The following SPTBN1 variants were observed in gnomAD, a reference collection of about 807,000 sequenced individuals.
SPTBN1 encodes the protein spectrin beta, non-erythrocytic 1.
In SPTBN1, 32 loss-of-function variants were observed where a neutral mutation model predicts 266.4. That is an observed-to-expected ratio of 0.12 (90% CI 0.09 to 0.16). SPTBN1 has a LOEUF of 0.16. Among genes scored for constraint, SPTBN1 ranks in the 10% least tolerant of loss-of-function variants. SPTBN1 has a pLI of 1.00. For missense variants in SPTBN1, 2,296 were observed against 3,067.1 expected, an observed-to-expected ratio of 0.75 and a Z score of 5.94; for synonymous variants, 1,336 against 1,162.2, an observed-to-expected ratio of 1.15 and a Z score of -3.04.
rs534264112 is a variant in SPTBN1, at chr2:54,573,832, C to T, written c.149-25260C>T. Among the ~76,000 whole-genome samples the T allele has an allele frequency of 3.9e-5, 6 of 152,250 alleles. No homozygotes were observed. In the South Asian group the frequency reaches 1.2e-3, roughly 32 times the overall value. ...TCTATCTCTGCCCTCAGGAAGCTCA[C>T]AAACAAGTCAAGAGACAGGAAAACG... On this transcript the variant is annotated intron_variant, in intron 2 of 35. Coordinates refer to ENST00000356805, the MANE Select transcript of SPTBN1 (RefSeq NM_003128.3).
chr2:54,521,380 C>G (rs1053904779), intron 1 of SPTBN1, among the ~76,000 whole-genome samples: 1 of 152,200 alleles, frequency 6.6e-6, no homozygotes, highest in African/African-American at 2.4e-5. Context: ...ATAGTGGGTT[C>G]TATCACTGTA....
At chr2:54,632,321 C>G (rs1678804408) in intron 16 of SPTBN1, among the ~76,000 whole-genome samples, 1 of 152,080 alleles carries the variant, frequency 6.6e-6, no homozygotes, top group Non-Finnish European at 1.5e-5. Context: ...ATACACAAAG[C>G]TTTGGTTCCT....
At chr2:54,541,227 A>G (rs1157512288) in intron 2 of SPTBN1, among the ~76,000 whole-genome samples, 1 of 152,202 alleles carries the variant, frequency 6.6e-6, no homozygotes. Context: ...TGTCTCTACT[A>G]TGAACATACA....
intron 4 of SPTBN1, among the ~76,000 whole-genome samples, chr2:54,613,228 A>G (rs1278848244): frequency 1.3e-5 from 2 of 152,216 alleles, no homozygotes; most frequent in East Asian, 1.9e-4. Flanking sequence ...TTCTCTGCGA[A>G]CAAATATTCT....
rs1044401175 is a variant in SPTBN1, at chr2:54,645,865, T to C, written c.4495-63T>C. 1 of 1,577,624 alleles carries C rather than the reference T, an allele frequency of 6.3e-7. No individual in the cohort carries two copies. Among genetic ancestry groups the C allele is most frequent in the African/African-American group, 1.3e-5 (1 of 74,204 alleles). ...GCTGTCCCTCACTGCCCCTCACTGC[T>C]CGTTTGTGTCGTATATTTGTTCCTC... On this transcript the variant is annotated intron_variant, in intron 21 of 35. Transcript: ENST00000356805. This position sits in a 1 kb window ranked among gnomAD's most constrained non-coding sequence, Gnocchi z 4.3.
Position 54,668,373 on chromosome 2 carries a change from A to T in SPTBN1, c.6899A>T (p.Gln2300Leu). Reference protein sequence around the residue: ...KDDEEMNTWIQAISSAISSDK... With the variant: ...KDDEEMNTWILAISSAISSDK... ...CAGGAGGAAATGAACACATGGATCC[A>T]GGCTATCTCTTCCGCCATCTCCTCT... is the stretch of plus-strand genomic sequence containing the variant. The change falls in exon 36 of 36, where the codon CAG becomes CTG. Residue 2300 changes from glutamine to leucine, a missense_variant. Coordinates refer to ENST00000356805, the MANE Select transcript of SPTBN1 (RefSeq NM_003128.3). 1 of 1,614,146 alleles carries T rather than the reference A, an allele frequency of 6.2e-7. No homozygotes were observed. The highest frequency in any genetic ancestry group is 8.5e-7 in the Non-Finnish European group (1 of 1,180,022).
In SPTBN1 at chr2:54,631,589, C is replaced by T; in HGVS notation, c.3542C>T (p.Ala1181Val). 6.2e-7 allele frequency: 1 copy of T among 1,611,778 alleles called. No homozygotes were observed. Among genetic ancestry groups the T allele is most frequent in the Non-Finnish European group, 8.5e-7 (1 of 1,178,636 alleles). ...YQQFLRDTKQ[A>V]EAFLNNQEYV... is the part of the protein sequence containing the mutation. Reference sequence around the variant, plus strand: ...CAGTTCCTCAGAGACACGAAGCAAGCCGAAGCCTTTCTTAACAACCAGGTA... The same window carrying T: ...CAGTTCCTCAGAGACACGAAGCAAGTCGAAGCCTTTCTTAACAACCAGGTA... The change falls in exon 16 of 36, where the codon GCC (alanine) becomes GTC (valine). Residue 1181 changes from alanine (A) to valine (V), a missense_variant. Transcript: ENST00000356805.
chr2:54,571,546 T>TACAC (rs71408769), intron 2 of SPTBN1, among the ~76,000 whole-genome samples: 64 of 134,506 alleles, frequency 4.8e-4, no homozygotes, highest in Admixed American at 1.6e-3. Flanking sequence ...TAATTGTATG[T>TACAC]ACACACACAC....
intron 2 of SPTBN1, among the ~76,000 whole-genome samples, chr2:54,536,092 C>T: frequency 6.6e-6 from 1 of 152,124 alleles, no homozygotes; most frequent in Non-Finnish European, 1.5e-5. Flanking sequence ...TCATAAAGGC[C>T]TATTGGTGGG....
chr2:54,653,539 A>C lies in SPTBN1; in HGVS notation c.5578-70A>C. 3.2e-6 allele frequency: 5 copies of C among 1,580,942 alleles called. No individual in the cohort carries two copies. The highest frequency in any genetic ancestry group is 3.9e-5 in the Admixed American group (2 of 51,666). On this transcript the variant is annotated intron_variant, in intron 26 of 35. Transcript: ENST00000356805. The surrounding 1 kb of genome is among the most constrained non-coding windows in gnomAD (Gnocchi z 5.1). ...CCCTTTAGTGTATGAGCAGAACAGAATAGGGCTTGGGGTGATGGTGGGAAG... is the reference window on the plus strand; with the variant it reads ...CCCTTTAGTGTATGAGCAGAACAGACTAGGGCTTGGGGTGATGGTGGGAAG...
rs368106495 is a variant in SPTBN1, at chr2:54,629,335, C to T, written c.2201C>T (p.Ala734Val). Reference sequence around the variant, plus strand: ...TGGGCCAACCTAGAGCAGCTCTCGGCCATTCGGAAGAAGCGCCTGGAGGAG... The same window carrying T: ...TGGGCCAACCTAGAGCAGCTCTCGGTCATTCGGAAGAAGCGCCTGGAGGAG... ...EQWANLEQLSAIRKKRLEEAS... is the reference protein window; with the variant it reads ...EQWANLEQLSVIRKKRLEEAS... Residue 734 changes from alanine to valine, a missense_variant, in exon 14 of 36, where the codon GCC becomes GTC. By Grantham distance (64) the Ala-to-Val change is moderately conservative (BLOSUM62 0). This residue lies in a region of SPTBN1 where 434 missense variants were observed against 573.9 expected (regional missense o/e 0.76). Transcript: ENST00000356805. 20 of 1,614,056 alleles carry T rather than the reference C, an allele frequency of 1.2e-5. No individual in the cohort carries two copies. Among genetic ancestry groups the T allele is most frequent in the Non-Finnish European group, 1.6e-5 (19 of 1,180,016 alleles).
At chr2:54,472,029 T>TTTTTTTG (rs1370046972) in intron 1 of SPTBN1, among the ~76,000 whole-genome samples, 5 of 122,700 alleles carry the variant, frequency 4.1e-5, no homozygotes, top group Non-Finnish European at 8.4e-5. Context: ...GATGTTTTTT[T>TTTTTTTG]TTTTTTTTTT....
At chr2:54,559,061 A>T (rs1250909900) in intron 2 of SPTBN1, among the ~76,000 whole-genome samples, 1 of 152,188 alleles carries the variant, frequency 6.6e-6, no homozygotes, top group Non-Finnish European at 1.5e-5. Context: ...ACTCCACTCC[A>T]GAAGAGCTAC....
At chr2:54,574,270 T>A (rs1345072269) in intron 2 of SPTBN1, among the ~76,000 whole-genome samples, 1 of 152,168 alleles carries the variant, frequency 6.6e-6, no homozygotes, top group Non-Finnish European at 1.5e-5. Flanking sequence ...TTGGAGAGAA[T>A]GCCATACAGT....
chr2:54,629,408 C>T lies in SPTBN1; in HGVS notation c.2274C>T (p.Ala758=). The change falls in exon 14 of 36, where the codon GCC becomes GCT. Residue 758 remains alanine (A), a synonymous_variant. Transcript: ENST00000356805. ...QFQADADDID[A]WMLDILKIVS... is the part of the protein sequence containing the mutation. ...AGGCAGATGCTGATGACATTGATGC[C>T]TGGATGCTGGACATCCTCAAGATTG... 6.2e-7 allele frequency: 1 copy of T among 1,614,154 alleles called. No individual in the cohort carries two copies. The highest frequency in any genetic ancestry group is 1.1e-5 in the South Asian group (1 of 91,086).
chr2:54,529,388 G>A (rs1181033532), intron 2 of SPTBN1: 4 of 679,896 alleles, frequency 5.9e-6, no homozygotes, highest in Non-Finnish European at 1.1e-5. Context: ...CCCGCCTAAA[G>A]CTGAAGCCAA....
intron 2 of SPTBN1, chr2:54,557,649 G>A: frequency 2.2e-6 from 2 of 896,654 alleles, no homozygotes; most frequent in Non-Finnish European, 2.7e-6. Context: ...TCCAGGTCAG[G>A]GATCTCGGCG....
intron 1 of SPTBN1, among the ~76,000 whole-genome samples, chr2:54,506,230 CG>C (rs1669549077): frequency 6.6e-6 from 1 of 152,138 alleles, no homozygotes; most frequent in Admixed American, 6.5e-5. Context: ...GGACCTTCCC[CG>C]TGCTACATGT....
At chr2:54,494,190 A>T (rs1466978084) in intron 1 of SPTBN1, among the ~76,000 whole-genome samples, 1 of 152,268 alleles carries the variant, frequency 6.6e-6, no homozygotes, top group Non-Finnish European at 1.5e-5. Context: ...TGAATATTTT[A>T]AAAATTACAG....
Sources: allele counts gnomAD v4.1 joint callset (sites outside exome capture counted in the v4.1 genomes callset), GRCh38; gene constraint gnomAD v4.1.1; regional missense constraint gnomAD v4.1.1; non-coding constraint Gnocchi (gnomAD v3.1); transcripts MANE v1.5; gene names NCBI Gene and HGNC (gene_info 2026-07-23, HGNC 2026-07-21).